NTMT1: variants seen among roughly 807,000 people sequenced by gnomAD.
The protein encoded by NTMT1 is N-terminal Xaa-Pro-Lys N-methyltransferase 1.
A neutral mutation model predicts 17.5 loss-of-function variants in NTMT1; 8 were observed. The ratio of observed to expected loss-of-function variants is 0.46; its 90% CI spans 0.27 to 0.82. NTMT1 has a LOEUF of 0.82. Ranked by LOEUF, NTMT1 falls within the 40% of genes least tolerant of loss-of-function variation. The pLI is 0.15. For synonymous variants in NTMT1, 128 were observed against 126.8 expected (o/e 1.01, Z -0.06); for missense variants, 221 against 303.5 (o/e 0.73, Z 2.02).
chr9:129,615,422 CCT>C, intron 1 of NTMT1: 1 of 1,478,092 alleles, frequency 6.8e-7, no homozygotes, highest in South Asian at 1.4e-5. Flanking sequence ...GGAGCTACAG[CCT>C]CTCTGCCCTC....
At chr9:129,615,288 G>A (rs984863384) in intron 1 of NTMT1, among the ~76,000 whole-genome samples, 3 of 152,196 alleles carry the variant, frequency 2.0e-5, no homozygotes, top group African/African-American at 7.2e-5. Flanking sequence ...ACTGGACTCT[G>A]GACCCTCTAC....
Position 129,613,004 on chromosome 9 carries a change from C to T in NTMT1, c.-55+3826C>T, listed in dbSNP as rs1830162450. ...GGTGACTTGGCTCTCAGGGAGGGTC[C>T]ACTCCCAGCCCCAGCCACTCCACCA... On this transcript the variant is annotated intron_variant, in intron 1 of 3. Coordinates refer to the NTMT1 transcript ENST00000372486. The surrounding 1 kb of genome is among the most constrained non-coding windows in gnomAD (Gnocchi z 6.2). The T allele has an allele frequency of 2.0e-6, 3 of 1,465,408 alleles. No homozygotes were observed. The highest frequency in any genetic ancestry group is 3.8e-5 in the Admixed American group (2 of 52,132). The allele number at this position is 1,465,408 out of a possible 1,614,324, so 90.8% of individuals were successfully genotyped here.
chr9:129,610,218 AG>A (rs1238947116), intron 1 of NTMT1, among the ~76,000 whole-genome samples: 3 of 14,224 alleles, frequency 2.1e-4, no homozygotes, highest in Admixed American at 2.1e-3. Context: ...AGGGAGGGGG[AG>A]GGGAAAGGGG....
intron 1 of NTMT1, chr9:129,615,557 G>C: frequency 6.2e-7 from 1 of 1,610,310 alleles, no homozygotes; most frequent in Non-Finnish European, 8.5e-7. Flanking sequence ...CCCGGAAAGG[G>C]CAACGCTGCC....
intron 2 of NTMT1, 29 bp from the exon 3 acceptor site, chr9:129,634,025 C>T: frequency 6.2e-7 from 1 of 1,601,934 alleles, no homozygotes; most frequent in South Asian, 1.1e-5. Context: ...CAGGGTCCCT[C>T]TGATAGGTTA....
chr9:129,635,263 C>G lies in NTMT1; in HGVS notation c.471C>G (p.Leu157=), dbSNP rs143571854. The part of the protein sequence containing the change: ...AEFLRRCKGS[L]RPNGIIVIKD... ...TCCTGCGGCGCTGCAAGGGCAGCCT[C>G]CGCCCCAACGGCATCATCGTCATCA... The change falls in exon 4 of 4, where the codon CTC becomes CTG. Residue 157 remains leucine, a synonymous_variant. Transcript: ENST00000372483. 6.2e-7 allele frequency: 1 copy of G among 1,613,330 alleles called. No individual in the cohort carries two copies. Among genetic ancestry groups the G allele is most frequent in the Non-Finnish European group, 8.5e-7 (1 of 1,180,016 alleles).
At chr9:129,623,810 CTTTTTTTCTTTTCTTTTCTT>C (rs1229424737), upstream of NTMT1, among the ~76,000 whole-genome samples, 1 of 116,304 alleles carries the variant, frequency 8.6e-6, no homozygotes, top group Non-Finnish European at 1.8e-5. Flanking sequence ...TAGACGGTTT[CTTTTTTTCTTTTCTTTTCTT>C]TTTTTTTTTT....
rs149142867 is a variant in NTMT1, at chr9:129,613,155, C to T, written c.-55+3977C>T. On this transcript the variant is annotated intron_variant, in intron 1 of 3. Transcript: ENST00000372486. This position sits in a 1 kb window ranked among gnomAD's most constrained non-coding sequence, Gnocchi z 6.2. ...CCAAGAAGGCTCGGAGGCTGCTTCG[C>T]GGCCTCTGAGCAGCGGCCTTCTTCC... is the stretch of plus-strand genomic sequence containing the variant. 103 of 1,613,696 alleles carry T rather than the reference C, an allele frequency of 6.4e-5. No homozygotes were observed. The highest frequency in any genetic ancestry group is 8.3e-5 in the Non-Finnish European group (98 of 1,180,020).
chr9:129,633,963 T>TAGGTCTTA, intron 2 of NTMT1, 91 bp from the exon 3 acceptor site: 2 of 1,441,294 alleles, frequency 1.4e-6, no homozygotes, highest in South Asian at 2.8e-5. Context: ...CCTGGAATCC[T>TAGGTCTTA]GACTTGAGTC....
chr9:129,613,397 A>T lies in NTMT1; in HGVS notation c.-55+4219A>T. 6.2e-7 allele frequency: 1 copy of T among 1,605,180 alleles called. No individual in the cohort carries two copies. The highest frequency in any genetic ancestry group is 8.5e-7 in the Non-Finnish European group (1 of 1,174,096). ...GGCAAGGGGGGTGGAGGGCCCTGGC[A>T]ATGTCCACGAGTCCCATCCGCTTCC... On this transcript the variant is annotated intron_variant, in intron 1 of 3. Coordinates refer to the NTMT1 transcript ENST00000372486. This position sits in a 1 kb window ranked among gnomAD's most constrained non-coding sequence, Gnocchi z 6.2.
chr9:129,632,915 C>A (rs1831248133), intron 2 of NTMT1, 50 bp downstream of exon 2: 1 of 1,588,844 alleles, frequency 6.3e-7, no homozygotes, highest in African/African-American at 1.3e-5. Flanking sequence ...TCTGGTGGCA[C>A]TGCCGAGTCC....
At chr9:129,631,578 C>T (rs10124803) in intron 1 of NTMT1, among the ~76,000 whole-genome samples, 2,188 of 152,318 alleles carry the variant, frequency 0.014, 62 homozygotes, top group African/African-American at 0.049. Context: ...TCAGAAGCAT[C>T]GGTCTTCCCG....
chr9:129,621,368 G>C (rs972235025), upstream of NTMT1, among the ~76,000 whole-genome samples: 1 of 152,056 alleles, frequency 6.6e-6, no homozygotes, highest in East Asian at 1.9e-4. Flanking sequence ...AAAGAGATGG[G>C]GTCTTGCTAA....
At chr9:129,615,434 C>T (rs774340615) in intron 1 of NTMT1, 10 of 1,512,356 alleles carry the variant, frequency 6.6e-6, no homozygotes, top group Non-Finnish European at 8.8e-6. Flanking sequence ...TCTCTGCCCT[C>T]CTGGCTAGAA....
At chr9:129,633,382 C>T (rs1430556964) in intron 2 of NTMT1, 1 of 215,550 alleles carries the variant, frequency 4.6e-6, no homozygotes, top group East Asian at 9.8e-5. Flanking sequence ...CCTCCATGTT[C>T]CCTCTCTGCA....
rs1412464186 is a variant in NTMT1, at chr9:129,620,676, G to C, written c.-55+11498G>C. On this transcript the variant is annotated intron_variant, in intron 1 of 3. Coordinates refer to the NTMT1 transcript ENST00000372486. The surrounding 1 kb of genome is among the most constrained non-coding windows in gnomAD (Gnocchi z 5.8). ...GTCCAGCCCCAGGCCATAGTGCCCC[G>C]GGCGGGGCAGCGCGGTGCGGGGTGA... 6 of 1,112,278 alleles carry C rather than the reference G, an allele frequency of 5.4e-6. No individual in the cohort carries two copies. Among genetic ancestry groups the C allele is most frequent in the African/African-American group, 1.6e-5 (1 of 62,014 alleles). 68.9% of individuals were successfully genotyped at this position (1,112,278 alleles called of 1,614,324 possible).
chr9:129,613,910 G>A lies in NTMT1; in HGVS notation c.-55+4732G>A, dbSNP rs891750603. Among the ~76,000 whole-genome samples the A allele has an allele frequency of 3.9e-5, 6 of 152,216 alleles. No homozygotes were observed. The highest frequency in any genetic ancestry group is 1.3e-4 in the Admixed American group (2 of 15,286). On this transcript the variant is annotated intron_variant, in intron 1 of 3. Transcript: ENST00000372486. The surrounding 1 kb of genome is among the most constrained non-coding windows in gnomAD (Gnocchi z 6.2). ...AAATCCCAGAAACCATGCTGAGAGC[G>A]TTGAGGGCTTCAGGGAGGGCTGTCT... is the stretch of plus-strand genomic sequence containing the variant.
rs944422115 is a variant in NTMT1, at chr9:129,614,880, C to T, written c.-55+5702C>T. Among the ~76,000 whole-genome samples, 5 of 151,304 alleles carry T rather than the reference C, an allele frequency of 3.3e-5. No individual in the cohort carries two copies. Among genetic ancestry groups the T allele is most frequent in the African/African-American group, 9.7e-5 (4 of 41,028 alleles). On this transcript the variant is annotated intron_variant, in intron 1 of 3. Coordinates refer to the NTMT1 transcript ENST00000372486. This position sits in a 1 kb window ranked among gnomAD's most constrained non-coding sequence, Gnocchi z 4.4. ...TCGCGCCACTGCACTCCAGCCTGGG[C>T]GACAGAGTGAGACTCCGTATCAGAA...
chr9:129,626,346 G>C (rs938331260), intron 1 of NTMT1, 51 bp downstream of exon 1: 1 of 152,294 alleles, frequency 6.6e-6, no homozygotes, highest in Non-Finnish European at 1.5e-5. Flanking sequence ...GGAGAGGGGA[G>C]GCTGCGACCC....
Sources: allele counts gnomAD v4.1 joint callset (sites outside exome capture counted in the v4.1 genomes callset), GRCh38; gene constraint gnomAD v4.1.1; non-coding constraint Gnocchi (gnomAD v3.1); transcripts MANE v1.5; gene names NCBI Gene and HGNC (gene_info 2026-07-23, HGNC 2026-07-21).